Variants in TTLL11 observed in about 807,000 individuals in gnomAD.
TTLL11 encodes the protein tubulin tyrosine ligase like 11.
TTLL11 carries 42 observed loss-of-function variants against 51.7 expected under a neutral mutation model. The ratio of observed to expected loss-of-function variants is 0.81; its 90% CI spans 0.64 to 1.05. The LOEUF (loss-of-function observed/expected upper bound fraction) is 1.05, where lower values mean the gene tolerates loss of function less well. Ranked by LOEUF, TTLL11 falls within the 50% of genes least tolerant of loss-of-function variation. The pLI is 0.00. For synonymous variants in TTLL11, 381 were observed against 383.5 expected, an observed-to-expected ratio of 0.99 and a Z score of 0.08; for missense variants, 799 against 940.4, an observed-to-expected ratio of 0.85 and a Z score of 1.97.
At chr9:122,059,732 G>A (rs962654293) in intron 1 of TTLL11, among the ~76,000 whole-genome samples, 9 of 152,210 alleles carry the variant, frequency 5.9e-5, no homozygotes, top group African/African-American at 2.2e-4. Context: ...AATCCACCAT[G>A]GTGTAACTGG....
rs1048175685 is a variant in TTLL11 at position 121,820,761 on chromosome 9, G to A, written c.*1826C>T. 2.4e-4 allele frequency among the ~76,000 whole-genome samples: 37 copies of A among 151,688 alleles called. No individual in the cohort carries two copies. The highest frequency in any genetic ancestry group is 2.6e-4 in the Non-Finnish European group (18 of 67,940). On this transcript the variant is annotated 3_prime_UTR_variant, in exon 9 of 9. Coordinates refer to ENST00000321582, the MANE Select transcript of TTLL11 (RefSeq NM_001139442.2). ...TGTAGAGAACACTCGACACACCTCAGGAGGCACATCCTGCCAGTGCCACCT... is the reference window on the plus strand; with the variant it reads ...TGTAGAGAACACTCGACACACCTCAAGAGGCACATCCTGCCAGTGCCACCT...
chr9:121,901,538 C>A (rs1043954197), intron 6 of TTLL11, among the ~76,000 whole-genome samples: 1 of 152,078 alleles, frequency 6.6e-6, no homozygotes, highest in Non-Finnish European at 1.5e-5. Flanking sequence ...AATGTGAATT[C>A]CAACTCCAAA....
intron 3 of TTLL11, among the ~76,000 whole-genome samples, chr9:122,001,042 G>A (rs55688366): frequency 0.047 from 7,134 of 150,624 alleles, 200 homozygotes; most frequent in African/African-American, 0.087. Context: ...TTCAGGTTTT[G>A]TTTTGTTTTG....
Position 121,878,437 on chromosome 9 carries a change from A to C in TTLL11, c.1482-7689T>G, listed in dbSNP as rs151128910. Among the ~76,000 whole-genome samples, 173 of 152,258 alleles carry C rather than the reference A, an allele frequency of 1.1e-3. 2 individuals carry two copies. In the East Asian group the frequency reaches 0.014, roughly 13 times the overall value. On this transcript the variant is annotated intron_variant, in intron 6 of 8. Transcript: ENST00000321582. ...CATGTAATGTTTGTAATGTGTGTCGACTATATGAATTAACAAAGGACCCCA... is the reference window on the plus strand; with the variant it reads ...CATGTAATGTTTGTAATGTGTGTCGCCTATATGAATTAACAAAGGACCCCA...
rs1010642097 is a variant in TTLL11 at position 121,995,614 on chromosome 9, G to C, written c.694-5844C>G. Among the ~76,000 whole-genome samples the C allele has an allele frequency of 6.6e-6, 1 of 152,258 alleles. No individual in the cohort carries two copies. The highest frequency in any genetic ancestry group is 2.1e-4 in the South Asian group (1 of 4,816). ...TACAGGGAGAGGAGCAGGTCTCATT[G>C]AAGGAAAGTGGGGACAAGGAGAGGA... On this transcript the variant is annotated intron_variant, in intron 3 of 8. Transcript: ENST00000321582. The surrounding 1 kb of genome is among the most constrained non-coding windows in gnomAD (Gnocchi z 4.4).
intron 3 of TTLL11, among the ~76,000 whole-genome samples, chr9:121,991,670 G>C (rs749516191): frequency 7.2e-5 from 11 of 152,148 alleles, no homozygotes; most frequent in Non-Finnish European, 1.5e-4. Flanking sequence ...CCATGTATAT[G>C]CCTTAAATAA....
Position 121,853,075 on chromosome 9 carries a change from G to A in TTLL11, c.1840+7262C>T, listed in dbSNP as rs1348186879. ...ATTTCAGCTGGGGCTTACTCCAGCCGATGTGAGCAGAGGCGTCAGATGACT... is the reference window on the plus strand; with the variant it reads ...ATTTCAGCTGGGGCTTACTCCAGCCAATGTGAGCAGAGGCGTCAGATGACT... On this transcript the variant is annotated intron_variant, in intron 8 of 8. Coordinates refer to ENST00000321582, the MANE Select transcript of TTLL11 (RefSeq NM_001139442.2). The surrounding 1 kb of genome is among the most constrained non-coding windows in gnomAD (Gnocchi z 5.6). 6.6e-6 allele frequency among the ~76,000 whole-genome samples: 1 copy of A among 152,250 alleles called. No individual in the cohort carries two copies. Among genetic ancestry groups the A allele is most frequent in the Non-Finnish European group, 1.5e-5 (1 of 68,054 alleles).
intron 6 of TTLL11, among the ~76,000 whole-genome samples, chr9:121,905,661 T>A (rs902042517): frequency 3.3e-5 from 5 of 152,156 alleles, no homozygotes; most frequent in Non-Finnish European, 7.4e-5. Context: ...CCATTTAACA[T>A]TTTATTATAA....
intron 6 of TTLL11, among the ~76,000 whole-genome samples, chr9:121,881,677 T>C (rs966522852): frequency 3.0e-4 from 46 of 152,342 alleles, no homozygotes; most frequent in African/African-American, 1.0e-3. Flanking sequence ...TTGAGTGCCA[T>C]TCTGTATGGG....
intron 6 of TTLL11, among the ~76,000 whole-genome samples, chr9:121,942,699 C>A (rs967444595): frequency 6.6e-6 from 1 of 151,432 alleles, no homozygotes; most frequent in African/African-American, 2.4e-5. Flanking sequence ...AAATTAACCT[C>A]CTGCTACTCC....
chr9:122,077,658 T>C (rs1048435316), intron 1 of TTLL11, among the ~76,000 whole-genome samples: 4 of 152,122 alleles, frequency 2.6e-5, no homozygotes, highest in African/African-American at 9.6e-5. Context: ...CACACATATG[T>C]AAAATATTGG....
intron 6 of TTLL11, among the ~76,000 whole-genome samples, chr9:121,907,715 G>T (rs73664712): frequency 0.023 from 3,460 of 152,244 alleles, 137 homozygotes; most frequent in African/African-American, 0.076. Flanking sequence ...GGCAAGTAAG[G>T]CCTTTGAAAT....
rs1324378266 is a variant in TTLL11, at chr9:122,031,826, A to G, written c.590T>C (p.Leu197Pro). Residue 197 changes from leucine to proline, a missense_variant, in exon 3 of 9, where the codon CTG becomes CCG. By Grantham distance (98) the Leu-to-Pro change is moderately conservative (BLOSUM62 -3). This residue lies in a region of TTLL11 where 468 missense variants were observed against 612.8 expected (regional missense o/e 0.76). Transcript: ENST00000321582. ...CTGCATGGTTCTCACTGCTCTGCTC[A>G]GAGTAATTTTACGCACCATCTCCGT... The part of the protein sequence containing the change: ...GMTEMVRKIT[L>P]SRAVRTMQNL... 1.2e-6 allele frequency: 2 copies of G among 1,613,574 alleles called. No individual in the cohort carries two copies. Among genetic ancestry groups the G allele is most frequent in the African/African-American group, 1.3e-5 (1 of 74,920 alleles).
rs141099991 is a variant in TTLL11, at chr9:122,054,343, G to C, written c.463-14975C>G. Among the ~76,000 whole-genome samples, 76 of 152,156 alleles carry C rather than the reference G, an allele frequency of 5.0e-4. No individual in the cohort carries two copies. The Middle Eastern group carries it at 0.01, about 20-fold the overall frequency. On this transcript the variant is annotated intron_variant, in intron 1 of 8. Coordinates refer to ENST00000321582, the MANE Select transcript of TTLL11 (RefSeq NM_001139442.2). Reference sequence around the variant, plus strand: ...TAACCTTGCCCCTTTCATAATTTCAGCGTACCATAGCAATCTCCTCCAGTT... The same window carrying C: ...TAACCTTGCCCCTTTCATAATTTCACCGTACCATAGCAATCTCCTCCAGTT...
At chr9:121,823,845 T>G (rs952377658) in intron 8 of TTLL11, among the ~76,000 whole-genome samples, 4 of 152,120 alleles carry the variant, frequency 2.6e-5, no homozygotes, top group African/African-American at 9.7e-5. Flanking sequence ...TCTTCCCTGG[T>G]TTTGTCTTAT....
intron 6 of TTLL11, among the ~76,000 whole-genome samples, chr9:121,968,541 A>G (rs1842471115): frequency 6.6e-6 from 1 of 152,184 alleles, no homozygotes; most frequent in African/African-American, 2.4e-5. Flanking sequence ...TTTCATGTCC[A>G]GTAGATACTT....
chr9:122,027,995 C>T (rs1435236810), intron 3 of TTLL11, among the ~76,000 whole-genome samples: 5 of 151,870 alleles, frequency 3.3e-5, no homozygotes, highest in Non-Finnish European at 1.5e-5. Flanking sequence ...AGGATGAGGG[C>T]GGGAATGGAA....
chr9:122,019,816 TG>T (rs1224097100), intron 3 of TTLL11, among the ~76,000 whole-genome samples: 1 of 152,206 alleles, frequency 6.6e-6, no homozygotes, highest in East Asian at 1.9e-4. Flanking sequence ...AGGGACCCAG[TG>T]GGAGATAACT....
intron 6 of TTLL11, among the ~76,000 whole-genome samples, chr9:121,924,757 A>C (rs2131533499): frequency 6.7e-6 from 1 of 149,684 alleles, no homozygotes; most frequent in African/African-American, 2.5e-5. Flanking sequence ...TGGGGATAAC[A>C]AGCACTTTTT....
Sources: gnomAD v4.1 joint callset for allele counts (sites outside exome capture counted in the v4.1 genomes callset) on GRCh38, gnomAD v4.1.1 for gene constraint, gnomAD v4.1.1 regional missense constraint, Gnocchi (gnomAD v3.1) non-coding constraint, MANE v1.5 for transcripts, NCBI Gene and HGNC (gene_info 2026-07-23, HGNC 2026-07-21) for gene names.